PLPPR1: variants seen among roughly 807,000 people sequenced by gnomAD.
The protein encoded by PLPPR1 is phospholipid phosphatase related 1, also known as phospholipid phosphatase-related protein type 1.
In PLPPR1, 10 loss-of-function variants were observed where a neutral mutation model predicts 33.1. That is an observed-to-expected ratio of 0.30 (90% CI 0.19 to 0.51). The LOEUF is 0.51. PLPPR1 is among the 20% of genes least tolerant of loss of function. The probability of loss-of-function intolerance (pLI) is 0.97; values close to 1 mark genes in which losing one functional copy is unlikely to be tolerated. For synonymous variants in PLPPR1, 151 were observed against 151.0 expected (o/e 1.00, Z 0.00); for missense variants, 304 against 408.1 (o/e 0.74, Z 2.20).
chr9:101,210,933 A>T (rs893236885), intron 2 of PLPPR1, among the ~76,000 whole-genome samples: 1 of 151,934 alleles, frequency 6.6e-6, no homozygotes, highest in Non-Finnish European at 1.5e-5. Flanking sequence ...ACGCCTGGCT[A>T]ATTTTTTGTA....
chr9:101,276,710 A>G (rs974480497), intron 3 of PLPPR1, among the ~76,000 whole-genome samples: 3 of 152,252 alleles, frequency 2.0e-5, no homozygotes, highest in African/African-American at 7.2e-5. Flanking sequence ...CTTTGGAAAT[A>G]TGATACCGCC....
chr9:101,064,694 C>A (rs547963722), intron 1 of PLPPR1, among the ~76,000 whole-genome samples: 2 of 152,134 alleles, frequency 1.3e-5, no homozygotes, highest in South Asian at 4.2e-4. Flanking sequence ...AACTGAATAT[C>A]TGAGACTGAG....
In PLPPR1 at chr9:101,269,789, CT is replaced by C; in HGVS notation, c.64-90del. The C allele has an allele frequency of 3.2e-6, 4 of 1,249,298 alleles. No individual in the cohort carries two copies. In the South Asian group the frequency reaches 4.8e-5, roughly 15 times the overall value. 77.4% of individuals were successfully genotyped at this position (1,249,298 alleles called of 1,614,324 possible). A position where few individuals can be genotyped will look rare whatever the true frequency, so the allele number is the denominator to read the frequency against. On this transcript the variant is annotated intron_variant, in intron 2 of 7. Coordinates refer to ENST00000374874, the MANE Select transcript of PLPPR1 (RefSeq NM_207299.2). ...GCCAATACCAATATCAGGAGAGCCG[CT>C]GCTGGGGTGATGGAGGGAGTGTGCT...
chr9:101,286,969 A>T (rs189873739), intron 4 of PLPPR1, among the ~76,000 whole-genome samples: 231 of 152,318 alleles, frequency 1.5e-3, no homozygotes, highest in Middle Eastern at 3.4e-3. Context: ...TACCATTTAA[A>T]ACAAGAGAAC....
intron 1 of PLPPR1, among the ~76,000 whole-genome samples, chr9:101,184,684 A>G (rs1826174490): frequency 6.6e-6 from 1 of 151,940 alleles, no homozygotes; most frequent in South Asian, 2.1e-4. Flanking sequence ...AGAAGAATCA[A>G]AACTAACTAA....
chr9:101,151,531 A>G (rs1831585360), intron 1 of PLPPR1, among the ~76,000 whole-genome samples: 1 of 152,236 alleles, frequency 6.6e-6, no homozygotes, highest in African/African-American at 2.4e-5. Flanking sequence ...ACAGAATAGC[A>G]GAGCAGCATC....
rs192194212 is a variant in PLPPR1 at position 101,164,122 on chromosome 9, T to A, written c.-45-21328T>A. Among the ~76,000 whole-genome samples the A allele has an allele frequency of 8.0e-3, 1,222 of 152,246 alleles. 21 individuals are homozygous for A. Among genetic ancestry groups the A allele is most frequent in the African/African-American group, 0.026 (1,065 of 41,542 alleles). ...GTTAAGCCCTTTACTTCCTTTTTTT[T>A]AAATTATTTTTACAGAGAAGAAGTT... On this transcript the variant is annotated intron_variant, in intron 1 of 7. Coordinates refer to ENST00000374874, the MANE Select transcript of PLPPR1 (RefSeq NM_207299.2).
chr9:101,137,246 G>A (rs917170311), intron 1 of PLPPR1, among the ~76,000 whole-genome samples: 4 of 152,180 alleles, frequency 2.6e-5, no homozygotes, highest in African/African-American at 9.7e-5. Flanking sequence ...AGAGAAGGAA[G>A]TGCACTGGGC....
chr9:101,254,818 C>T (rs1429045303), intron 2 of PLPPR1, among the ~76,000 whole-genome samples: 2 of 152,142 alleles, frequency 1.3e-5, no homozygotes, highest in Non-Finnish European at 2.9e-5. Flanking sequence ...TTCCCTCCAA[C>T]TTTTTAACCA....
intron 1 of PLPPR1, among the ~76,000 whole-genome samples, chr9:101,031,928 A>T (rs1020878932): frequency 6.6e-6 from 1 of 152,112 alleles, no homozygotes; most frequent in Non-Finnish European, 1.5e-5. Flanking sequence ...AGTTTTTTAG[A>T]GATATGCTCA....
chr9:101,237,708 ATATC>A (rs1827334177), intron 2 of PLPPR1, among the ~76,000 whole-genome samples: 1 of 142,294 alleles, frequency 7.0e-6, no homozygotes, highest in Non-Finnish European at 1.5e-5. Context: ...TATATAGTCT[ATATC>A]TATATATGTG....
intron 1 of PLPPR1, among the ~76,000 whole-genome samples, chr9:101,182,467 A>G (rs1170797695): frequency 2.0e-5 from 3 of 151,836 alleles, no homozygotes; most frequent in African/African-American, 4.8e-5. Flanking sequence ...TATAAAAATC[A>G]AAGCACCACA....
intron 1 of PLPPR1, among the ~76,000 whole-genome samples, chr9:101,056,608 A>C (rs1427346386): frequency 6.6e-6 from 1 of 152,188 alleles, no homozygotes; most frequent in Non-Finnish European, 1.5e-5. Flanking sequence ...GAATATTATG[A>C]AAATGCAAGA....
intron 2 of PLPPR1, among the ~76,000 whole-genome samples, chr9:101,261,498 G>A (rs1344059864): frequency 1.3e-5 from 2 of 152,068 alleles, no homozygotes; most frequent in African/African-American, 4.8e-5. Context: ...ATACACACTG[G>A]TACATTTGAA....
At chr9:101,261,536 C>T (rs995291158) in intron 2 of PLPPR1, among the ~76,000 whole-genome samples, 5 of 152,060 alleles carry the variant, frequency 3.3e-5, no homozygotes, top group Admixed American at 6.6e-5. Flanking sequence ...AGAGGATGTC[C>T]TTCTTAACCA....
intron 6 of PLPPR1, among the ~76,000 whole-genome samples, chr9:101,315,513 A>G (rs1829035485): frequency 6.6e-6 from 1 of 152,210 alleles, no homozygotes. Flanking sequence ...TCCTGCTTCA[A>G]CGTTAAACTT....
rs527356579 is a variant in PLPPR1 at position 101,055,195 on chromosome 9, A to T, written c.-46+26093A>T. On this transcript the variant is annotated intron_variant, in intron 1 of 7. Transcript: ENST00000374874. ...GGATTTTTGCATCCTGTACAGGAGGATCATCTGTAACATTAAATTGTTTTT... is the reference window on the plus strand; with the variant it reads ...GGATTTTTGCATCCTGTACAGGAGGTTCATCTGTAACATTAAATTGTTTTT... Among the ~76,000 whole-genome samples the T allele has an allele frequency of 5.3e-5, 8 of 152,310 alleles. No individual in the cohort carries two copies. The South Asian group carries it at 1.2e-3, about 24-fold the overall frequency.
chr9:101,307,685 A>T (rs2118951928), intron 4 of PLPPR1, among the ~76,000 whole-genome samples: 1 of 152,362 alleles, frequency 6.6e-6, no homozygotes, highest in African/African-American at 2.4e-5. Flanking sequence ...CAGCCAAACT[A>T]GTCTTCACTT....
At chr9:101,110,566 A>G (rs879388485) in intron 1 of PLPPR1, among the ~76,000 whole-genome samples, 6 of 152,192 alleles carry the variant, frequency 3.9e-5, no homozygotes, top group Non-Finnish European at 7.4e-5. Flanking sequence ...GACTGTTTTT[A>G]TGAGCCATGA....
Sources: allele counts gnomAD v4.1 joint callset (sites outside exome capture counted in the v4.1 genomes callset), GRCh38; gene constraint gnomAD v4.1.1; transcripts MANE v1.5; gene names NCBI Gene and HGNC (gene_info 2026-07-23, HGNC 2026-07-21).